Variants in RTN4 observed in about 807,000 individuals in gnomAD.
RTN4 encodes the protein reticulon 4.
Under a neutral mutation model 90.4 loss-of-function variants are expected in RTN4, and 32 were observed. The ratio of observed to expected loss-of-function variants is 0.35; its 90% CI spans 0.27 to 0.48. The LOEUF (loss-of-function observed/expected upper bound fraction) is 0.48, where lower values mean the gene tolerates loss of function less well. Ranked by LOEUF, RTN4 falls within the 20% of genes least tolerant of loss-of-function variation. RTN4 has a pLI of 0.99. For synonymous variants in RTN4, 629 were observed against 552.5 expected (o/e 1.14, Z -1.94); for missense variants, 1,706 against 1,430.2 (o/e 1.19, Z -3.11).
chr2:55,085,488 GA>G (rs1668820904), intron 1 of RTN4, among the ~76,000 whole-genome samples: 1 of 152,182 alleles, frequency 6.6e-6, no homozygotes, highest in South Asian at 2.1e-4. Flanking sequence ...TTTCTCCTCA[GA>G]GGAGCTCAGT....
intron 2 of RTN4, among the ~76,000 whole-genome samples, chr2:55,056,769 A>G (rs1413267319): frequency 2.0e-5 from 3 of 152,206 alleles, no homozygotes; most frequent in Non-Finnish European, 4.4e-5. Flanking sequence ...ATAAGTTCCC[A>G]ATATAGTGAT....
At chr2:55,091,934 G>C (rs1029612467) in intron 1 of RTN4, among the ~76,000 whole-genome samples, 3 of 152,192 alleles carry the variant, frequency 2.0e-5, no homozygotes, top group African/African-American at 7.2e-5. Flanking sequence ...GCACAGGCAA[G>C]ACTGGCCCCC....
chr2:54,978,431 C>CAA (rs10718270), intron 5 of RTN4, among the ~76,000 whole-genome samples: 3,985 of 80,010 alleles, frequency 0.05, 92 homozygotes, highest in Middle Eastern at 0.11. Context: ...ACTCTATCTC[C>CAA]AAAAAAAAAA....
intron 1 of RTN4, among the ~76,000 whole-genome samples, chr2:55,033,041 T>A: frequency 2.9e-5 from 4 of 135,598 alleles, no homozygotes; most frequent in African/African-American, 5.6e-5. Context: ...TAAAAAAGAC[T>A]GAAGAAGTTA....
chr2:54,999,056 G>C (rs1679664827), intron 3 of RTN4, among the ~76,000 whole-genome samples: 2 of 152,138 alleles, frequency 1.3e-5, no homozygotes, highest in Admixed American at 1.3e-4. Context: ...TTGGGGGAAT[G>C]CTTATGAATT....
intron 1 of RTN4, among the ~76,000 whole-genome samples, chr2:55,097,865 G>A (rs79800828): frequency 0.013 from 2,042 of 152,114 alleles, 22 homozygotes; most frequent in Non-Finnish European, 0.021. Context: ...ATAGGCAAGA[G>A]CAGGAAAAGT....
the RTN4 span, among the ~76,000 whole-genome samples, chr2:55,125,572 C>A: frequency 6.6e-6 from 1 of 152,208 alleles, no homozygotes; most frequent in East Asian, 1.9e-4. Context: ...TCGAGACCAG[C>A]CTGGCCAACG....
chr2:55,049,662 G>A (rs1160116317), intron 1 of RTN4, 83 bp downstream of exon 1: 1 of 1,528,468 alleles, frequency 6.5e-7, no homozygotes, highest in Non-Finnish European at 8.8e-7. Context: ...GGAGAGGAGG[G>A]ACCAGCCCAA....
chr2:55,097,271 C>A (rs1667756143), intron 1 of RTN4, among the ~76,000 whole-genome samples: 1 of 144,874 alleles, frequency 6.9e-6, no homozygotes. Context: ...CACTGCACTC[C>A]AGCCTGGATG....
chr2:55,074,325 G>T (rs548851021), intron 2 of RTN4, among the ~76,000 whole-genome samples: 3 of 152,024 alleles, frequency 2.0e-5, no homozygotes, highest in Non-Finnish European at 4.4e-5. Flanking sequence ...AACATAGCAA[G>T]ACCCCTGTCT....
At chr2:55,063,575 C>T (rs1404867814) in intron 2 of RTN4, among the ~76,000 whole-genome samples, 1 of 151,764 alleles carries the variant, frequency 6.6e-6, no homozygotes, top group African/African-American at 2.4e-5. Context: ...GAGAATAACA[C>T]TGAATTATGT....
intron 3 of RTN4, among the ~76,000 whole-genome samples, chr2:55,022,623 A>C (rs1166192985): frequency 6.6e-6 from 1 of 151,826 alleles, no homozygotes; most frequent in Non-Finnish European, 1.5e-5. Context: ...GTCCTTCCTC[A>C]TTTCTTCTAC....
chr2:55,015,694 T>A (rs973572209), intron 3 of RTN4, among the ~76,000 whole-genome samples: 1 of 152,170 alleles, frequency 6.6e-6, no homozygotes, highest in Non-Finnish European at 1.5e-5. Context: ...AAATACCTAG[T>A]ACAGAATGTC....
In RTN4 at chr2:54,978,340, G is replaced by A. The variant is rs1288566934; in HGVS notation, c.3361-3576C>T. ...AGCTACTTGGGAGGCTGAAGCAGGA[G>A]AATCACTTGAACCTGGAAGGCAAAG... On this transcript the variant is annotated intron_variant, in intron 5 of 8. Coordinates refer to ENST00000337526, the MANE Select transcript of RTN4 (RefSeq NM_020532.5). Among the ~76,000 whole-genome samples, 3 of 145,840 alleles carry A rather than the reference G, an allele frequency of 2.1e-5. No individual in the cohort carries two copies. In the Middle Eastern group the frequency reaches 0.011, roughly 548 times the overall value.
At chr2:55,020,156 T>A (rs1681322274) in intron 3 of RTN4, among the ~76,000 whole-genome samples, 1 of 151,950 alleles carries the variant, frequency 6.6e-6, no homozygotes, top group Admixed American at 6.6e-5. Context: ...TTCAATGCAA[T>A]CCCTAATAAA....
At chr2:55,023,005 T>C (rs1681563939) in intron 3 of RTN4, among the ~76,000 whole-genome samples, 1 of 151,922 alleles carries the variant, frequency 6.6e-6, no homozygotes, top group African/African-American at 2.4e-5. Context: ...CATGTATTTA[T>C]TCCTACTACT....
chr2:55,117,407 G>A (rs1333468632), upstream of RTN4, among the ~76,000 whole-genome samples: 4 of 152,170 alleles, frequency 2.6e-5, no homozygotes, highest in African/African-American at 7.2e-5. Context: ...TCCTGGAACA[G>A]AGAAGACACA....
Position 55,049,949 on chromosome 2 carries a change from G to A in RTN4, c.352C>T (p.Pro118Ser). 5 of 1,353,664 alleles carry A rather than the reference G, an allele frequency of 3.7e-6. No homozygotes were observed. Among genetic ancestry groups the A allele is most frequent in the Non-Finnish European group, 4.7e-6 (5 of 1,059,430 alleles). 83.9% of individuals were successfully genotyped at this position (1,353,664 alleles called of 1,614,324 possible). Residue 118 changes from proline to serine, a missense_variant, in exon 1 of 9, where the codon CCC (proline) becomes TCC (serine). Transcript: ENST00000337526. ...WDPSPVSSTV[P>S]APSPLSAAAV... ...GCAGCAGACAGCGGGGATGGCGCGG[G>A]CACGGTCGACGACACCGGGCTCGGG...
At chr2:55,010,046 C>G (rs199861228) in intron 3 of RTN4, 2 of 1,594,656 alleles carry the variant, frequency 1.3e-6, no homozygotes, top group South Asian at 2.2e-5. Flanking sequence ...TATTAGTGGT[C>G]ACATATAAAA....
Sources: allele counts gnomAD v4.1 joint callset (sites outside exome capture counted in the v4.1 genomes callset), GRCh38; gene constraint gnomAD v4.1.1; transcripts MANE v1.5; gene names NCBI Gene and HGNC (gene_info 2026-07-23, HGNC 2026-07-21).